The following PRKDC variants were observed in gnomAD, a reference collection of about 807,000 sequenced individuals.
PRKDC encodes the protein DNA-dependent protein kinase catalytic subunit.
A neutral mutation model predicts 486.9 loss-of-function variants in PRKDC; 82 were observed. The observed-to-expected ratio is 0.17, with a 90% confidence interval of 0.14 to 0.20. The LOEUF is 0.20. Among genes scored for constraint, PRKDC ranks in the 10% least tolerant of loss-of-function variants. The pLI, the probability that PRKDC is intolerant of heterozygous loss-of-function variation, is 1.00. For synonymous variants in PRKDC, 1,895 were observed against 1,837.0 expected (o/e 1.03, Z -0.81); for missense variants, 4,504 against 5,038.2 (o/e 0.89, Z 3.21).
intron 39 of PRKDC, among the ~76,000 whole-genome samples, chr8:47,878,092 TTTTTTTTTAGG>T (rs1387798389): frequency 1.2e-4 from 17 of 147,340 alleles, no homozygotes; most frequent in South Asian, 2.2e-4. Context: ...TCTTTCTAGG[TTTTTTTTTAGG>T]TTTTTTTTTT....
chr8:47,888,735 T>C, intron 33 of PRKDC, 85 bp from the exon 34 acceptor site: 1 of 1,446,748 alleles, frequency 6.9e-7, no homozygotes, highest in Non-Finnish European at 9.1e-7. Context: ...TTTGCACTGT[T>C]ATGAAGCAAA....
chr8:47,836,551 G>A (rs1489136451), intron 57 of PRKDC, 24 bp from the exon 58 acceptor site: 3 of 1,542,040 alleles, frequency 1.9e-6, no homozygotes, highest in Non-Finnish European at 1.8e-6. Context: ...AGTTTCAAAT[G>A]AAATAAAGTT....
chr8:47,773,333 CT>C lies in PRKDC; in HGVS notation c.*839del, dbSNP rs1375125543. 3.1e-5 allele frequency: 7 copies of C among 224,210 alleles called. No homozygotes were observed. Among genetic ancestry groups the C allele is most frequent in the Non-Finnish European group, 5.4e-5 (6 of 111,530 alleles). The allele number at this position is 224,210 out of a possible 1,614,324, so 13.9% of individuals were successfully genotyped here. A position where few individuals can be genotyped will look rare whatever the true frequency, so the allele number is the denominator to read the frequency against. ...TCATCTTGTTGTGCTAGAATGCATG[CT>C]TTTTTTCCTCCAAATGAGGAATTCA... is the stretch of plus-strand genomic sequence containing the variant. On this transcript the variant is annotated 3_prime_UTR_variant, in exon 86 of 86. Transcript: ENST00000314191.
Position 47,900,421 on chromosome 8 carries a change from T to A in PRKDC, c.3316A>T (p.Ile1106Leu). The change falls in exon 28 of 86, where the codon ATA becomes TTA. Residue 1106 changes from isoleucine to leucine, a missense_variant. By Grantham distance (5) the Ile-to-Leu change is conservative (BLOSUM62 2). Around this residue, in one of 6 missense-constraint regions of PRKDC, gnomAD observed 1,969 missense variants for 2,068.9 expected, o/e 0.95. Transcript: ENST00000314191. ...VEQFVFEALV[I>L]YMESLALAHA... ...GCTAAGGCCAGACTCTCCATGTATA[T>A]CACCAAGGCTTCAAACACAAACTGT... The A allele has an allele frequency of 6.2e-7, 1 of 1,611,956 alleles. No individual in the cohort carries two copies. Among genetic ancestry groups the A allele is most frequent in the Non-Finnish European group, 8.5e-7 (1 of 1,179,170 alleles).
chr8:47,838,144 A>G (rs2088068178), intron 56 of PRKDC, among the ~76,000 whole-genome samples: 1 of 152,098 alleles, frequency 6.6e-6, no homozygotes, highest in Non-Finnish European at 1.5e-5. Flanking sequence ...TCAAAAAAAT[A>G]AAATAAAATA....
chr8:47,859,732 G>A lies in PRKDC; in HGVS notation c.6086C>T (p.Ser2029Leu). The change falls in exon 46 of 86, where the codon TCA (serine) becomes TTA (leucine). Residue 2029 changes from serine (S) to leucine (L), a missense_variant. This residue lies in a region of PRKDC where 1,592 missense variants were observed against 1,724.6 expected (regional missense o/e 0.92). Coordinates refer to ENST00000314191, the MANE Select transcript of PRKDC (RefSeq NM_006904.7). ...ACTCAGGGTACTGTCTGCCAAATATGACAGGGAAGACATATAGGAAGGACC... is the reference window on the plus strand; with the variant it reads ...ACTCAGGGTACTGTCTGCCAAATATAACAGGGAAGACATATAGGAAGGACC... ...SDGPSYMSSL[S>L]YLADSTLSEE... The A allele has an allele frequency of 6.2e-7, 1 of 1,612,732 alleles. No homozygotes were observed. The highest frequency in any genetic ancestry group is 8.5e-7 in the Non-Finnish European group (1 of 1,178,826).
At chr8:47,846,102 AG>A (rs1310516497) in intron 54 of PRKDC, among the ~76,000 whole-genome samples, 1 of 152,238 alleles carries the variant, frequency 6.6e-6, no homozygotes, top group Non-Finnish European at 1.5e-5. Context: ...CAATAAATGG[AG>A]AAAAAGCTTT....
intron 68 of PRKDC, among the ~76,000 whole-genome samples, chr8:47,812,899 G>T (rs2087362346): frequency 6.6e-6 from 1 of 151,794 alleles, no homozygotes; most frequent in African/African-American, 2.4e-5. Context: ...TGAAAAAGGG[G>T]GTTCCCTCCA....
intron 36 of PRKDC, 118 bp downstream of exon 36, chr8:47,885,826 A>C (rs1391396889): frequency 1.0e-6 from 1 of 952,594 alleles, no homozygotes; most frequent in African/African-American, 1.6e-5. Context: ...TGGGATGCAG[A>C]GGTTGCAGTC....
intron 48 of PRKDC, among the ~76,000 whole-genome samples, chr8:47,857,523 G>A (rs1283007594): frequency 1.3e-5 from 2 of 152,176 alleles, no homozygotes; most frequent in Non-Finnish European, 2.9e-5. Context: ...AGATACAAGG[G>A]GGAAGATGAG....
At position 47,835,620 on chromosome 8, in the gene PRKDC, CAAAAAAAAA is replaced by C. The variant is rs71548446; in HGVS notation, c.7951+709_7951+717del. Reference sequence around the variant, plus strand: ...CTGGTGACAGAGCAGGACTCTGTCTCAAAAAAAAAAAAAAAAAAAAAAAAAAAAAGGAAA... The same window carrying C: ...CTGGTGACAGAGCAGGACTCTGTCTCAAAAAAAAAAAAAAAAAAAAGGAAA... On this transcript the variant is annotated intron_variant, in intron 58 of 85. Transcript: ENST00000314191. Among the ~76,000 whole-genome samples the C allele has an allele frequency of 3.1e-3, 64 of 20,472 alleles. No individual in the cohort carries two copies. The East Asian group carries it at 0.08, about 26-fold the overall frequency. The allele number at this position is 20,472 out of a possible 152,430, so 13.4% of individuals were successfully genotyped here.
At chr8:47,879,885 G>C (rs1268461053) in intron 38 of PRKDC, among the ~76,000 whole-genome samples, 1 of 129,812 alleles carries the variant, frequency 7.7e-6, no homozygotes, top group Non-Finnish European at 1.5e-5. Flanking sequence ...CTGTCACCCA[G>C]GCTGGAGAGC....
Position 47,823,916 on chromosome 8 carries a change from C to G in PRKDC, c.8864G>C (p.Ser2955Thr). ...ACTTCTGGCTTCTGCTAATAATGCA[C>G]TCTGAGTGATTTGCTTTGTTCCTAT... ...SEIGTKQITQ[S>T]ALLAEARSDY... The change falls in exon 64 of 86, where the codon AGT (serine) becomes ACT (threonine). Residue 2955 changes from serine (S) to threonine (T), a missense_variant. Physicochemically the swap from Ser to Thr is moderately conservative, Grantham distance 58 (BLOSUM62 1). This residue lies in a region of PRKDC where 1,592 missense variants were observed against 1,724.6 expected (regional missense o/e 0.92). Coordinates refer to ENST00000314191, the MANE Select transcript of PRKDC (RefSeq NM_006904.7). The G allele has an allele frequency of 6.2e-7, 1 of 1,613,902 alleles. No homozygotes were observed. Among genetic ancestry groups the G allele is most frequent in the Non-Finnish European group, 8.5e-7 (1 of 1,179,838 alleles).
intron 72 of PRKDC, among the ~76,000 whole-genome samples, chr8:47,798,841 GCT>G (rs1196187938): frequency 6.6e-6 from 1 of 151,096 alleles, no homozygotes; most frequent in African/African-American, 2.4e-5. Flanking sequence ...ATGGAGTCTC[GCT>G]CTGTCACCCA....
chr8:47,802,653 A>AT (rs1194867010), intron 70 of PRKDC, among the ~76,000 whole-genome samples: 30 of 135,198 alleles, frequency 2.2e-4, no homozygotes, highest in Non-Finnish European at 2.9e-4. Context: ...AGTTTTTGTA[A>AT]TTTTTTTTTT....
intron 1 of PRKDC, 92 bp downstream of exon 1, chr8:47,959,881 C>T: frequency 2.7e-6 from 4 of 1,483,092 alleles, no homozygotes; most frequent in Admixed American, 2.2e-5. Flanking sequence ...AAAATACCGT[C>T]ATCTAAACAC....
At chr8:47,883,307 CATA>C (rs1182938216) in intron 36 of PRKDC, among the ~76,000 whole-genome samples, 1 of 152,230 alleles carries the variant, frequency 6.6e-6, no homozygotes, top group Admixed American at 6.5e-5. Context: ...TCCTTTCACA[CATA>C]ACTGCTTTTT....
At chr8:47,945,559 T>C (rs1008577882) in intron 7 of PRKDC, among the ~76,000 whole-genome samples, 9 of 152,142 alleles carry the variant, frequency 5.9e-5, no homozygotes, top group African/African-American at 2.2e-4. Flanking sequence ...GGTTCATCCA[T>C]GCTGCAGCAT....
chr8:47,881,981 T>C lies in PRKDC; in HGVS notation c.4893A>G (p.Ser1631=), dbSNP rs776845371. ...CGAGAGGGGAATCTTTGGCCCACCA[T>C]GAATCACACTTCTTCCAGTGTTGCA... ...TILQHWKKCD[S]WWAKDSPLET... Residue 1631 remains serine, a synonymous_variant, in exon 37 of 86, where the codon TCA becomes TCG. Coordinates refer to ENST00000314191, the MANE Select transcript of PRKDC (RefSeq NM_006904.7). 11 of 1,613,874 alleles carry C rather than the reference T, an allele frequency of 6.8e-6. No individual in the cohort carries two copies. Among genetic ancestry groups the C allele is most frequent in the African/African-American group, 2.7e-5 (2 of 74,944 alleles).
Sources: allele counts gnomAD v4.1 joint callset (sites outside exome capture counted in the v4.1 genomes callset), GRCh38; gene constraint gnomAD v4.1.1; regional missense constraint gnomAD v4.1.1; transcripts MANE v1.5; gene names NCBI Gene and HGNC (gene_info 2026-07-23, HGNC 2026-07-21).